TRMT6: variants seen among roughly 807,000 people sequenced by gnomAD.
The protein encoded by TRMT6 is tRNA methyltransferase 6 non-catalytic subunit, also known as tRNA (adenine(58)-N(1))-methyltransferase non-catalytic subunit TRM6.
TRMT6 carries 34 observed loss-of-function variants against 59.0 expected under a neutral mutation model. That is an observed-to-expected ratio of 0.58 (90% CI 0.44 to 0.77). The LOEUF (loss-of-function observed/expected upper bound fraction) is 0.77. Among genes scored for constraint, TRMT6 ranks in the 30% least tolerant of loss-of-function variants. The probability of loss-of-function intolerance (pLI) is 0.00; values close to 1 mark genes in which losing one functional copy is unlikely to be tolerated. For synonymous variants in TRMT6, 217 were observed against 210.5 expected (o/e 1.03, Z -0.27); for missense variants, 575 against 604.5 (o/e 0.95, Z 0.51).
chr20:5,942,082 C>T, intron 7 of TRMT6, 46 bp from the exon 8 acceptor site: 1 of 1,494,190 alleles, frequency 6.7e-7, no homozygotes. Flanking sequence ...GTCTTTCAGT[C>T]AAATTTATGG....
chr20:5,941,329 G>A lies in TRMT6; in HGVS notation c.1129C>T (p.Arg377Cys), dbSNP rs757568569. 6 of 1,613,796 alleles carry A rather than the reference G, an allele frequency of 3.7e-6. No individual in the cohort carries two copies. The highest frequency in any genetic ancestry group is 4.5e-5 in the East Asian group (2 of 44,894). ...AGCAGCAGGGGAGTGGGGTGGAAACGACTAGCTACAATTAAACTGTAAGGA... is the reference window on the plus strand; with the variant it reads ...AGCAGCAGGGGAGTGGGGTGGAAACAACTAGCTACAATTAAACTGTAAGGA... ...RNADGLIVAS[R>C]FHPTPLLLSL... The change falls in exon 9 of 11, where the codon CGT (arginine) becomes TGT (cysteine). Residue 377 changes from arginine to cysteine, a missense_variant. Arg to Cys is a radical substitution (Grantham distance 180). Coordinates refer to ENST00000203001, the MANE Select transcript of TRMT6 (RefSeq NM_015939.5).
intron 1 of TRMT6, among the ~76,000 whole-genome samples, chr20:5,948,872 T>C (rs1301138655): frequency 1.3e-5 from 2 of 152,232 alleles, no homozygotes; most frequent in Non-Finnish European, 2.9e-5. Context: ...GTTTCTTGAC[T>C]ATTTTATGAT....
rs771312661 is a variant in TRMT6 at position 5,941,104 on chromosome 20, C to T, written c.1251G>A (p.Arg417=). 3 of 1,614,168 alleles carry T rather than the reference C, an allele frequency of 1.9e-6. No homozygotes were observed. The highest frequency in any genetic ancestry group is 1.1e-5 in the South Asian group (1 of 91,086). The change falls in exon 10 of 11, where the codon AGG becomes AGA. Residue 417 remains arginine, a synonymous_variant. Transcript: ENST00000203001. The part of the protein sequence containing the change: ...LLECYTKLRE[R]GGVINLRLSE... ...ACAGCCTGAGGTTGATGACCCCTCC[C>T]CTCTCCCGCAGTTTTGTGTAGCATT...
At position 5,941,361 on chromosome 20, in the gene TRMT6, C is replaced by T; in HGVS notation, c.1113-16G>A. 6.3e-7 allele frequency: 1 copy of T among 1,589,634 alleles called. No individual in the cohort carries two copies. The highest frequency in any genetic ancestry group is 8.6e-7 in the Non-Finnish European group (1 of 1,158,608). On this transcript the variant is annotated splice_polypyrimidine_tract_variant and intron_variant, in intron 8 of 10. Coordinates refer to ENST00000203001, the MANE Select transcript of TRMT6 (RefSeq NM_015939.5). ...TACAATTAAACTGTAAGGAAAATGC[C>T]AGACAAATTATTTCTCTACACCCTC...
At chr20:5,945,111 C>T (rs535837066) in intron 2 of TRMT6, among the ~76,000 whole-genome samples, 197 bp from the exon 3 acceptor site, 2 of 152,202 alleles carry the variant, frequency 1.3e-5, no homozygotes, top group Non-Finnish European at 2.9e-5. Context: ...GTCTTGCCCC[C>T]CTACTATCCA....
chr20:5,942,091 G>A (rs2088661506), intron 7 of TRMT6, 55 bp from the exon 8 acceptor site: 2 of 1,419,368 alleles, frequency 1.4e-6, no homozygotes, highest in Middle Eastern at 2.0e-4. Flanking sequence ...TCAAATTTAT[G>A]GAAATGCTCT....
chr20:5,937,597 C>A lies in TRMT6; in HGVS notation c.*938G>T, dbSNP rs1178918293. 6.6e-6 allele frequency: 1 copy of A among 152,226 alleles called. No individual in the cohort carries two copies. 9.4% of individuals were successfully genotyped at this position (152,226 alleles called of 1,614,324 possible). On this transcript the variant is annotated 3_prime_UTR_variant, in exon 11 of 11. Transcript: ENST00000203001. ...TAGGGACATTTGACAAGGAATGACACTAATACAATGAGAATTGGTCTAAGT... is the reference window on the plus strand; with the variant it reads ...TAGGGACATTTGACAAGGAATGACAATAATACAATGAGAATTGGTCTAAGT...
In TRMT6 at chr20:5,938,401, C is replaced by A; in HGVS notation, c.*134G>T. 1 of 968,736 alleles carries A rather than the reference C, an allele frequency of 1.0e-6. No homozygotes were observed. Among genetic ancestry groups the A allele is most frequent in the Middle Eastern group, 3.3e-4 (1 of 3,014 alleles). The allele number at this position is 968,736 out of a possible 1,614,324, so 60.0% of individuals were successfully genotyped here. A position where few individuals can be genotyped will look rare whatever the true frequency, so the allele number is the denominator to read the frequency against. ...AGAAATAGACAAAAGGCATATACTC[C>A]TCCTTCCTAGAAACGGGTACATAGA... On this transcript the variant is annotated 3_prime_UTR_variant, in exon 11 of 11. Transcript: ENST00000203001.
Position 5,938,456 on chromosome 20 carries a change from C to A in TRMT6, c.*79G>T, listed in dbSNP as rs61554382. The stretch of plus-strand genomic sequence containing the variant: ...TTCTTATTCTTGGGATATGAAAAAA[C>A]AAGTAGTAATGGCATTTAAAGTTTA... On this transcript the variant is annotated 3_prime_UTR_variant, in exon 11 of 11. Transcript: ENST00000203001. The A allele has an allele frequency of 9.3e-4, 1,304 of 1,399,890 alleles. 8 individuals carry two copies. In the African/African-American group the frequency reaches 0.015, roughly 16 times the overall value. The allele number at this position is 1,399,890 out of a possible 1,614,324, so 86.7% of individuals were successfully genotyped here.
chr20:5,947,472 T>C (rs932867761), intron 1 of TRMT6, among the ~76,000 whole-genome samples: 3 of 152,222 alleles, frequency 2.0e-5, no homozygotes, highest in African/African-American at 7.2e-5. Context: ...CTTACCACCA[T>C]TGCTGGTCTC....
chr20:5,942,150 T>C (rs1364191430), intron 7 of TRMT6, 114 bp from the exon 8 acceptor site: 2 of 962,558 alleles, frequency 2.1e-6, no homozygotes, highest in South Asian at 1.4e-5. Flanking sequence ...ACTAAACCAA[T>C]AGAAGCAGGT....
chr20:5,946,435 G>A lies in TRMT6; in HGVS notation c.227C>T (p.Pro76Leu). 6.2e-7 allele frequency: 1 copy of A among 1,613,976 alleles called. No individual in the cohort carries two copies. Among genetic ancestry groups the A allele is most frequent in the East Asian group, 2.2e-5 (1 of 44,880 alleles). Residue 76 changes from proline (P) to leucine (L), a missense_variant, in exon 2 of 11, where the codon CCC (proline) becomes CTC (leucine). Pro to Leu is a moderately conservative substitution (Grantham distance 98, BLOSUM62 -3). Coordinates refer to ENST00000203001, the MANE Select transcript of TRMT6 (RefSeq NM_015939.5). ...FEVTSGGSLQ[P>L]KKKREEPTAE... ...AGTAGGCTCTTCCCTCTTCTTCTTG[G>A]GCTGTAGACTTCCTCCACTGGTCAC...
intron 10 of TRMT6, among the ~76,000 whole-genome samples, chr20:5,940,002 C>T (rs1421016421): frequency 2.0e-5 from 3 of 152,220 alleles, no homozygotes; most frequent in African/African-American, 7.2e-5. Context: ...CCGAGGGAGG[C>T]CATGGGTTGC....
intron 3 of TRMT6, 41 bp from the exon 4 acceptor site, chr20:5,944,294 T>G (rs1486665512): frequency 8.0e-7 from 1 of 1,248,440 alleles, no homozygotes; most frequent in South Asian, 1.5e-5. Flanking sequence ...AAACTTTACT[T>G]TCACAAAACA....
At position 5,943,603 on chromosome 20, in the gene TRMT6, G is replaced by A. The variant is rs745558044; in HGVS notation, c.623C>T (p.Thr208Met). ...TGCACCCAGCACCAAGCCTGCACAC[G>A]TTTCCATCACAATCATTTTGTTGCC... ...RAGNKMIVME[T>M]CAGLVLGAMM... The change falls in exon 6 of 11, where the codon ACG (threonine) becomes ATG (methionine). Residue 208 changes from threonine to methionine, a missense_variant. By Grantham distance (81) the Thr-to-Met change is moderately conservative. Coordinates refer to ENST00000203001, the MANE Select transcript of TRMT6 (RefSeq NM_015939.5). 1.9e-5 allele frequency: 31 copies of A among 1,614,046 alleles called. 1 individual carries two copies. In the South Asian group the frequency reaches 2.5e-4, roughly 13 times the overall value.
chr20:5,942,871 A>G, intron 6 of TRMT6, 85 bp from the exon 7 acceptor site: 2 of 1,010,586 alleles, frequency 2.0e-6, no homozygotes, highest in South Asian at 1.5e-5. Flanking sequence ...CAGTAATGAG[A>G]CTGAAGGTCT....
rs781008171 is a variant in TRMT6, at chr20:5,942,430, A to C, written c.1024T>G (p.Tyr342Asp). The C allele has an allele frequency of 6.2e-7, 1 of 1,613,276 alleles. No homozygotes were observed. Among genetic ancestry groups the C allele is most frequent in the Non-Finnish European group, 8.5e-7 (1 of 1,179,482 alleles). ...GPKERGSKKD[Y>D]IQEKQRRQEE... is the part of the protein sequence containing the mutation. ...GTGGGGACTCTTGGCATCCTTACAT[A>C]ATCTTTTTTGCTTCCTCTCTCTTTA... Residue 342 changes from tyrosine (Y) to aspartate (D), a missense_variant and splice_region_variant, in exon 7 of 11, where the codon TAT becomes GAT. By Grantham distance (160) the Tyr-to-Asp change is radical. Coordinates refer to ENST00000203001, the MANE Select transcript of TRMT6 (RefSeq NM_015939.5).
In TRMT6 at chr20:5,938,534, G is replaced by A. The variant is rs762256687; in HGVS notation, c.*1C>T. Reference sequence around the variant, plus strand: ...AAAATTCAGAGCAATTCTCAAAAGGGTTAAGAGTCAGACTCTGGGCATTTT... The same window carrying A: ...AAAATTCAGAGCAATTCTCAAAAGGATTAAGAGTCAGACTCTGGGCATTTT... On this transcript the variant is annotated 3_prime_UTR_variant, in exon 11 of 11. Transcript: ENST00000203001. 1.9e-6 allele frequency: 3 copies of A among 1,613,158 alleles called. No individual in the cohort carries two copies. The highest frequency in any genetic ancestry group is 2.7e-5 in the African/African-American group (2 of 74,846).
chr20:5,943,663 A>G lies in TRMT6; in HGVS notation c.563T>C (p.Leu188Pro). ...GKINHMRYDT[L>P]AQMLTLGNIR... ...ATTTCCCAACGTCAACATCTGGGCT[A>G]GTGTATCGTATCTCATGTGGCTAAA... is the stretch of plus-strand genomic sequence containing the variant. Residue 188 changes from leucine to proline, a missense_variant, in exon 6 of 11, where the codon CTA becomes CCA. Physicochemically the swap from Leu to Pro is moderately conservative, Grantham distance 98. Coordinates refer to ENST00000203001, the MANE Select transcript of TRMT6 (RefSeq NM_015939.5). The G allele has an allele frequency of 6.2e-7, 1 of 1,614,198 alleles. No homozygotes were observed. The highest frequency in any genetic ancestry group is 8.5e-7 in the Non-Finnish European group (1 of 1,180,032).
Sources: allele counts gnomAD v4.1 joint callset (sites outside exome capture counted in the v4.1 genomes callset), GRCh38; gene constraint gnomAD v4.1.1; transcripts MANE v1.5; gene names NCBI Gene and HGNC (gene_info 2026-07-23, HGNC 2026-07-21).